The following FGF13 variants were observed in gnomAD, a reference collection of about 807,000 sequenced individuals.
The protein encoded by FGF13 is fibroblast growth factor 13.
FGF13 carries 2 observed loss-of-function variants against 19.5 expected under a neutral mutation model. The observed-to-expected ratio is 0.10, with a 90% CI of 0.04 to 0.32. The LOEUF is 0.32. Among genes scored for constraint, FGF13 ranks in the 10% least tolerant of loss-of-function variants. The pLI, the probability that FGF13 is intolerant of heterozygous loss-of-function variation, is 1.00. For synonymous variants in FGF13, 72 were observed against 76.9 expected, an observed-to-expected ratio of 0.94 and a Z score of 0.33; for missense variants, 113 against 192.7, an observed-to-expected ratio of 0.59 and a Z score of 2.45.
chrX:138,630,006 G>C lies in FGF13; in HGVS notation c.*2844C>G, dbSNP rs1026284131. 9.0e-6 allele frequency: 1 copy of C among 111,454 alleles called. No individual in the cohort carries two copies. Among genetic ancestry groups the C allele is most frequent in the African/African-American group, 3.3e-5 (1 of 30,627 alleles). The allele number at this position is 111,454 out of a possible 1,213,427, so 9.2% of individuals were successfully genotyped here. On this transcript the variant is annotated 3_prime_UTR_variant, in exon 5 of 5. Coordinates refer to ENST00000315930, the MANE Select transcript of FGF13 (RefSeq NM_004114.5). ...CAGGAGGAATGCTACTAAAGGATGT[G>C]CATGAGGGGATGGGGTGGGAAAGGG... is the stretch of plus-strand genomic sequence containing the variant.
chrX:138,696,626 T>G (rs146868137), intron 3 of FGF13, among the ~76,000 whole-genome samples: 2,171 of 111,990 alleles, frequency 0.019, 45 homozygotes, highest in African/African-American at 0.065. Context: ...AAAATATCCT[T>G]ACAGCTAAAA....
At chrX:138,902,863 A>G (rs2091538675) in intron 1 of FGF13, among the ~76,000 whole-genome samples, 1 of 111,683 alleles carries the variant, frequency 9.0e-6, no homozygotes, top group Non-Finnish European at 1.9e-5. Context: ...TAAGGAACCC[A>G]TTACCACATT....
rs773827997 is a variant in FGF13, at chrX:138,620,961, T to A, written c.*11889A>T. ...ATTTTGAATATATACACACCCAACA[T>A]TGGATCACCTAAATATATAAAGCAG... On this transcript the variant is annotated 3_prime_UTR_variant, in exon 5 of 5. Coordinates refer to ENST00000315930, the MANE Select transcript of FGF13 (RefSeq NM_004114.5). 9.0e-6 allele frequency: 1 copy of A among 111,643 alleles called. No homozygotes were observed. The highest frequency in any genetic ancestry group is 3.3e-5 in the African/African-American group (1 of 30,737). 9.2% of individuals were successfully genotyped at this position (111,643 alleles called of 1,213,427 possible).
At chrX:138,994,732 T>C (rs1364674549) in intron 1 of FGF13, among the ~76,000 whole-genome samples, 1 of 111,331 alleles carries the variant, frequency 9.0e-6, no homozygotes, top group Non-Finnish European at 1.9e-5. Flanking sequence ...ATAGTACTAA[T>C]TAATCCTCTA....
At chrX:138,884,344 G>T (rs777186319) in intron 1 of FGF13, among the ~76,000 whole-genome samples, 1 of 112,062 alleles carries the variant, frequency 8.9e-6, no homozygotes, top group Non-Finnish European at 1.9e-5. Context: ...CCCAATCTTG[G>T]ATTTGCTCAT....
chrX:138,703,736 C>T (rs999176127), intron 2 of FGF13, among the ~76,000 whole-genome samples: 1 of 112,201 alleles, frequency 8.9e-6, no homozygotes, highest in Non-Finnish European at 1.9e-5. Flanking sequence ...TTTTTTGAGA[C>T]AGAGTTTCGC....
At chrX:138,768,703 A>T (rs1035063736) in intron 3 of FGF13, among the ~76,000 whole-genome samples, 9 of 90,653 alleles carry the variant, frequency 9.9e-5, no homozygotes, top group African/African-American at 3.6e-4. Context: ...AGTATATATT[A>T]TATATATATA....
chrX:138,934,885 C>T (rs1238816822), intron 1 of FGF13, among the ~76,000 whole-genome samples: 1 of 97,574 alleles, frequency 1.0e-5, no homozygotes, highest in Non-Finnish European at 2.0e-5. Context: ...GGCCAAAGGT[C>T]CCACATCCAG....
chrX:138,972,356 ATTTT>A (rs34553958), intron 1 of FGF13, among the ~76,000 whole-genome samples: 10 of 78,076 alleles, frequency 1.3e-4, no homozygotes, highest in Non-Finnish European at 7.5e-5. Context: ...CTTCACCAGA[ATTTT>A]TTTTTTTTTT....
intron 1 of FGF13, among the ~76,000 whole-genome samples, chrX:138,984,588 AAGGAGG>A (rs1162674246): frequency 0.025 from 288 of 11,483 alleles, 18 homozygotes; most frequent in East Asian, 0.057. Flanking sequence ...GAAGAAGAAG[AAGGAGG>A]AGGAGGAGGA....
chrX:138,763,002 A>G (rs1254254175), intron 3 of FGF13, among the ~76,000 whole-genome samples: 1 of 111,118 alleles, frequency 9.0e-6, no homozygotes, highest in African/African-American at 3.3e-5. Flanking sequence ...AGTCTTGTAC[A>G]TAATTTCCAA....
intron 3 of FGF13, among the ~76,000 whole-genome samples, chrX:138,697,618 C>T (rs1335228073): frequency 1.8e-5 from 2 of 110,788 alleles, no homozygotes; most frequent in Non-Finnish European, 3.8e-5. Context: ...CCAAGCAATA[C>T]TGTGTATTGT....
intron 3 of FGF13, among the ~76,000 whole-genome samples, chrX:138,689,050 G>A (rs1370839067): frequency 9.0e-6 from 1 of 111,226 alleles, no homozygotes; most frequent in Non-Finnish European, 1.9e-5. Context: ...CTGGGCATCT[G>A]GACCAAGAGC....
intron 3 of FGF13, among the ~76,000 whole-genome samples, chrX:138,667,122 G>C (rs1364988237): frequency 9.5e-6 from 1 of 105,596 alleles, no homozygotes; most frequent in Admixed American, 1.0e-4. Context: ...TCATATATTA[G>C]GTTATATATG....
At chrX:139,030,264 A>T (rs1465645916) in intron 1 of FGF13, among the ~76,000 whole-genome samples, 2 of 111,355 alleles carry the variant, frequency 1.8e-5, no homozygotes, top group African/African-American at 6.5e-5. Flanking sequence ...ATAACAAATG[A>T]TTTTCTTGAT....
chrX:138,972,874 TGA>T (rs949010065), intron 1 of FGF13, among the ~76,000 whole-genome samples: 5 of 106,010 alleles, frequency 4.7e-5, no homozygotes, highest in Non-Finnish European at 9.7e-5. Flanking sequence ...GCTATTGAGT[TGA>T]GTTTCTTATA....
intron 1 of FGF13, among the ~76,000 whole-genome samples, chrX:138,934,015 C>A (rs916861245): frequency 8.9e-6 from 1 of 112,145 alleles, no homozygotes; most frequent in Non-Finnish European, 1.9e-5. Flanking sequence ...ATTTCAAAAT[C>A]TTCTATAATC....
At chrX:139,037,664 T>C (rs2092255112) in intron 1 of FGF13, among the ~76,000 whole-genome samples, 1 of 111,866 alleles carries the variant, frequency 8.9e-6, no homozygotes, top group Non-Finnish European at 1.9e-5. Flanking sequence ...CATGGGCACA[T>C]CTCATTCTCT....
chrX:139,067,241 C>T (rs1294029983), intron 1 of FGF13, among the ~76,000 whole-genome samples: 1 of 111,724 alleles, frequency 9.0e-6, no homozygotes, highest in Non-Finnish European at 1.9e-5. Flanking sequence ...GATGCCCTCT[C>T]TCACCACTCC....
Sources: gnomAD v4.1 joint callset for allele counts (sites outside exome capture counted in the v4.1 genomes callset) on GRCh38, gnomAD v4.1.1 for gene constraint, MANE v1.5 for transcripts, NCBI Gene and HGNC (gene_info 2026-07-23, HGNC 2026-07-21) for gene names.